The following MFSD12 variants were observed in gnomAD, a reference collection of about 807,000 sequenced individuals.
MFSD12 encodes major facilitator superfamily domain containing 12, also known as major facilitator superfamily domain-containing protein 12.
Under a neutral mutation model 51.2 loss-of-function variants are expected in MFSD12, and 67 were observed. The ratio of observed to expected loss-of-function variants is 1.31; its 90% CI spans 1.08 to 1.60. The LOEUF is 1.60. MFSD12 is among the 40% of genes most tolerant of loss of function. The pLI, the probability that MFSD12 is intolerant of heterozygous loss-of-function variation, is 0.00. For synonymous variants in MFSD12, 441 were observed against 316.7 expected, an observed-to-expected ratio of 1.39 and a Z score of -4.17; for missense variants, 921 against 673.0, an observed-to-expected ratio of 1.37 and a Z score of -4.08.
In MFSD12 at chr19:3,557,286, A is replaced by G. The variant is rs776504849; in HGVS notation, c.118T>C (p.Phe40Leu). Residue 40 changes from phenylalanine to leucine, a missense_variant, in exon 1 of 10, where the codon TTC (phenylalanine) becomes CTC (leucine). Coordinates refer to ENST00000355415, the MANE Select transcript of MFSD12 (RefSeq NM_174983.5). Reference sequence around the variant, plus strand: ...TGCAGGTAGAGCAGCAGGTAGGTGAACCACATGGACGCGCACAGGTCGTTG... The same window carrying G: ...TGCAGGTAGAGCAGCAGGTAGGTGAGCCACATGGACGCGCACAGGTCGTTG... ...FLNDLCASMW[F>L]TYLLLYLHSV... is the part of the protein sequence containing the mutation. 3.1e-6 allele frequency: 5 copies of G among 1,597,166 alleles called. No homozygotes were observed. In the African/African-American group the frequency reaches 5.5e-5, roughly 17 times the overall value.
At position 3,546,341 on chromosome 19, in the gene MFSD12, C is replaced by T. The variant is rs377440961; in HGVS notation, c.1108G>A (p.Ala370Thr). 2.1e-5 allele frequency: 33 copies of T among 1,607,956 alleles called. No homozygotes were observed. The highest frequency in any genetic ancestry group is 1.3e-4 in the African/African-American group (10 of 75,028). ...CCAGCACCCAGCAGCACAGCCGCTG[C>T]GTACACGGCCACACCCAGTCCCTCC... The part of the protein sequence containing the change: ...LAEGLGVAVY[A>T]AAVLLGAGCA... Residue 370 changes from alanine (A) to threonine (T), a missense_variant, in exon 7 of 10, where the codon GCA becomes ACA. Ala to Thr is a moderately conservative substitution (Grantham distance 58, BLOSUM62 0). Coordinates refer to ENST00000355415, the MANE Select transcript of MFSD12 (RefSeq NM_174983.5).
chr19:3,544,350 G>A lies in MFSD12; in HGVS notation c.*360C>T. ...CCTGAGGGGGCCCTGGCAGTGTCTG[G>A]AGACCCCCAGGCTGGAGGTGAGGGG... On this transcript the variant is annotated 3_prime_UTR_variant, in exon 10 of 10. Coordinates refer to ENST00000355415, the MANE Select transcript of MFSD12 (RefSeq NM_174983.5). 1 of 1,272,606 alleles carries A rather than the reference G, an allele frequency of 7.9e-7. No homozygotes were observed. Among genetic ancestry groups the A allele is most frequent in the Non-Finnish European group, 9.9e-7 (1 of 1,009,048 alleles). The allele number at this position is 1,272,606 out of a possible 1,614,324, so 78.8% of individuals were successfully genotyped here.
downstream of MFSD12, chr19:3,542,824 G>T (rs1416231244): frequency 2.9e-6 from 4 of 1,374,448 alleles, no homozygotes; most frequent in African/African-American, 5.9e-5. Flanking sequence ...CTTAGTGCCA[G>T]CCCCAGACCA....
Position 3,544,208 on chromosome 19 carries a change from C to T in MFSD12, c.*502G>A, listed in dbSNP as rs2030733434. On this transcript the variant is annotated 3_prime_UTR_variant, in exon 10 of 10. Transcript: ENST00000355415. ...CAGACAGGAGCCAGGCTGCCGTCAT[C>T]TCTTTATTTGCTGCCAGCAGAGTCC... The T allele has an allele frequency of 2.2e-6, 3 of 1,356,300 alleles. No individual in the cohort carries two copies. The highest frequency in any genetic ancestry group is 2.8e-6 in the Non-Finnish European group (3 of 1,054,646). The allele number at this position is 1,356,300 out of a possible 1,614,324, so 84.0% of individuals were successfully genotyped here. A position where few individuals can be genotyped will look rare whatever the true frequency, so the allele number is the denominator to read the frequency against.
intron 4 of MFSD12, chr19:3,538,915 C>A: frequency 1.5e-6 from 1 of 660,956 alleles, no homozygotes; most frequent in Non-Finnish European, 2.8e-6. Flanking sequence ...AGAAGCCAGA[C>A]CCCAGGTGGG....
downstream of MFSD12, among the ~76,000 whole-genome samples, chr19:3,540,281 G>A (rs569565182): frequency 4.7e-5 from 7 of 148,230 alleles, no homozygotes; most frequent in South Asian, 4.2e-4. Context: ...TTTTTTGGAC[G>A]GAGTCTCACT....
chr19:3,546,029 CCT>C (rs767484595), intron 8 of MFSD12, 43 bp downstream of exon 8: 41 of 1,598,120 alleles, frequency 2.6e-5, no homozygotes, highest in Middle Eastern at 1.7e-4. Flanking sequence ...CGCTTAATCC[CCT>C]CTTACTGAAC....
intron 4 of MFSD12, chr19:3,539,158 C>G: frequency 1.9e-6 from 3 of 1,540,126 alleles, no homozygotes; most frequent in Non-Finnish European, 2.6e-6. Flanking sequence ...CTGGCAGGAG[C>G]CCGGGGGATC....
Position 3,544,629 on chromosome 19 carries a change from G to C in MFSD12, c.*81C>G, listed in dbSNP as rs1309965796. 1.3e-6 allele frequency: 2 copies of C among 1,520,782 alleles called. No homozygotes were observed. The highest frequency in any genetic ancestry group is 1.8e-6 in the Non-Finnish European group (2 of 1,132,860). The allele number at this position is 1,520,782 out of a possible 1,614,324, so 94.2% of individuals were successfully genotyped here. A position where few individuals can be genotyped will look rare whatever the true frequency, so the allele number is the denominator to read the frequency against. Reference sequence around the variant, plus strand: ...GTCCAGAGAAGAGTGAGGGGCAGTGGGGGCTTTTCCCCAAGGCCCTGGGGG... The same window carrying C: ...GTCCAGAGAAGAGTGAGGGGCAGTGCGGGCTTTTCCCCAAGGCCCTGGGGG... On this transcript the variant is annotated 3_prime_UTR_variant, in exon 10 of 10. Coordinates refer to ENST00000355415, the MANE Select transcript of MFSD12 (RefSeq NM_174983.5).
chr19:3,541,573 G>T, downstream of MFSD12: 1 of 787,246 alleles, frequency 1.3e-6, no homozygotes. Context: ...CGCCTGCCTC[G>T]GCCTCCCACA....
Position 3,544,615 on chromosome 19 carries a change from A to G in MFSD12, c.*95T>C. 3 of 1,508,238 alleles carry G rather than the reference A, an allele frequency of 2.0e-6. No individual in the cohort carries two copies. In the East Asian group the frequency reaches 6.9e-5, roughly 35 times the overall value. The allele number at this position is 1,508,238 out of a possible 1,614,324, so 93.4% of individuals were successfully genotyped here. A position where few individuals can be genotyped will look rare whatever the true frequency, so the allele number is the denominator to read the frequency against. ...GATGGAGGGTGGGGGTCCAGAGAAG[A>G]GTGAGGGGCAGTGGGGGCTTTTCCC... On this transcript the variant is annotated 3_prime_UTR_variant, in exon 10 of 10. Coordinates refer to ENST00000355415, the MANE Select transcript of MFSD12 (RefSeq NM_174983.5).
At chr19:3,552,550 T>C (rs968775715) in intron 1 of MFSD12, among the ~76,000 whole-genome samples, 6 of 144,198 alleles carry the variant, frequency 4.2e-5, no homozygotes, top group African/African-American at 1.6e-4. Flanking sequence ...TCTCAGCTCA[T>C]TGCAGCCTCT....
downstream of MFSD12, chr19:3,543,251 C>T (rs1441450835): frequency 3.2e-6 from 5 of 1,545,976 alleles, no homozygotes; most frequent in East Asian, 4.9e-5. Flanking sequence ...CTACCTGTCC[C>T]TGGAGGGTTC....
intron 4 of MFSD12, chr19:3,539,098 C>A: frequency 1.1e-6 from 1 of 936,770 alleles, no homozygotes; most frequent in South Asian, 1.5e-5. Flanking sequence ...AGCGTGGTTG[C>A]CGAGACACTG....
chr19:3,542,946 C>T, downstream of MFSD12: 1 of 1,497,560 alleles, frequency 6.7e-7, no homozygotes, highest in Non-Finnish European at 9.0e-7. Flanking sequence ...GGCCCTTGTC[C>T]TCTCCCCTCC....
Position 3,547,436 on chromosome 19 carries a change from C to G in MFSD12, c.930+19G>C, listed in dbSNP as rs958392936. Reference sequence around the variant, plus strand: ...GCTGGGGCCGTCCCATCCCAGCGTCCCCGCCCCAATCTGCTCACCTTGGGC... The same window carrying G: ...GCTGGGGCCGTCCCATCCCAGCGTCGCCGCCCCAATCTGCTCACCTTGGGC... On this transcript the variant is annotated intron_variant, in intron 5 of 9. Coordinates refer to ENST00000355415, the MANE Select transcript of MFSD12 (RefSeq NM_174983.5). 1 of 1,612,270 alleles carries G rather than the reference C, an allele frequency of 6.2e-7. No homozygotes were observed. Among genetic ancestry groups the G allele is most frequent in the Non-Finnish European group, 8.5e-7 (1 of 1,179,362 alleles).
In MFSD12 at chr19:3,551,108, G is replaced by A. The variant is rs2031451445; in HGVS notation, c.385C>T (p.Leu129Phe). The change falls in exon 2 of 10, where the codon CTC (leucine) becomes TTC (phenylalanine). Residue 129 changes from leucine (L) to phenylalanine (F), a missense_variant. Physicochemically the swap from Leu to Phe is conservative, Grantham distance 22. Transcript: ENST00000355415. This position sits in a 1 kb window ranked among gnomAD's most constrained non-coding sequence, Gnocchi z 4.6. ...GAATPEWAAL[L>F]YYGPFIVIFQ... ...ATCACGATGAACGGGCCGTAGTAGA[G>A]GAGGGCAGCCCACTCGGGCGTGGCC... 1 of 1,613,166 alleles carries A rather than the reference G, an allele frequency of 6.2e-7. No individual in the cohort carries two copies. Among genetic ancestry groups the A allele is most frequent in the Non-Finnish European group, 8.5e-7 (1 of 1,180,000 alleles).
Position 3,557,251 on chromosome 19 carries a change from G to C in MFSD12, c.153C>G (p.Arg51=), listed in dbSNP as rs367914264. 6.3e-7 allele frequency: 1 copy of C among 1,596,640 alleles called. No individual in the cohort carries two copies. The highest frequency in any genetic ancestry group is 8.5e-7 in the Non-Finnish European group (1 of 1,173,222). ...TYLLLYLHSV[R]AYSSRGAGLL... is the part of the protein sequence containing the mutation. ...GCCCCGCGCCGCGGGAGCTGTAGGC[G>C]CGCACCGAGTGCAGGTAGAGCAGCA... is the stretch of plus-strand genomic sequence containing the variant. The change falls in exon 1 of 10, where the codon CGC becomes CGG. Residue 51 remains arginine, a synonymous_variant. Coordinates refer to ENST00000355415, the MANE Select transcript of MFSD12 (RefSeq NM_174983.5).
chr19:3,544,670 C>T lies in MFSD12; in HGVS notation c.*40G>A. On this transcript the variant is annotated 3_prime_UTR_variant, in exon 10 of 10. Coordinates refer to ENST00000355415, the MANE Select transcript of MFSD12 (RefSeq NM_174983.5). Reference sequence around the variant, plus strand: ...GCCCTGGGGGGCATCCTCGTGCGTCCCCACAGTTCCCTTGCACAGGTGCAG... The same window carrying T: ...GCCCTGGGGGGCATCCTCGTGCGTCTCCACAGTTCCCTTGCACAGGTGCAG... 3.8e-6 allele frequency: 6 copies of T among 1,562,828 alleles called. No individual in the cohort carries two copies. The highest frequency in any genetic ancestry group is 5.2e-6 in the Non-Finnish European group (6 of 1,150,116).
Sources: allele counts gnomAD v4.1 joint callset (sites outside exome capture counted in the v4.1 genomes callset), GRCh38; gene constraint gnomAD v4.1.1; non-coding constraint Gnocchi (gnomAD v3.1); transcripts MANE v1.5; gene names NCBI Gene and HGNC (gene_info 2026-07-23, HGNC 2026-07-21).